The following CTNNA1 variants were observed in gnomAD, a reference collection of about 807,000 sequenced individuals.
The protein encoded by CTNNA1 is catenin alpha 1.
CTNNA1 carries 37 observed loss-of-function variants against 98.4 expected under a neutral mutation model. The observed-to-expected ratio is 0.38, with a 90% CI of 0.29 to 0.49. CTNNA1 has a LOEUF of 0.49. Among genes scored for constraint, CTNNA1 ranks in the 20% least tolerant of loss-of-function variants. The probability of loss-of-function intolerance (pLI) is 0.95; values close to 1 mark genes in which losing one functional copy is unlikely to be tolerated. For missense variants in CTNNA1, 761 were observed against 1,147.2 expected (o/e 0.66, Z 4.86); for synonymous variants, 404 against 413.2 (o/e 0.98, Z 0.27).
At chr5:138,884,406 A>C (rs975622905) in intron 7 of CTNNA1, among the ~76,000 whole-genome samples, 1 of 152,230 alleles carries the variant, frequency 6.6e-6, no homozygotes, top group African/African-American at 2.4e-5. Flanking sequence ...CCAGATTCTT[A>C]GTTAAATTTC....
intron 7 of CTNNA1, chr5:138,870,577 G>C (rs1765246356): frequency 6.6e-6 from 1 of 152,158 alleles, no homozygotes; most frequent in Non-Finnish European, 1.5e-5. Context: ...TAAGGATTAA[G>C]GTGGAGATTC....
At chr5:138,848,747 T>G (rs1162807544) in intron 7 of CTNNA1, among the ~76,000 whole-genome samples, 1 of 152,056 alleles carries the variant, frequency 6.6e-6, no homozygotes, top group African/African-American at 2.4e-5. Flanking sequence ...TTTTTTGAGA[T>G]AGAGTCTCTC....
In CTNNA1 at chr5:138,873,288, T is replaced by A; in HGVS notation, c.1063-12924T>A. On this transcript the variant is annotated intron_variant, in intron 7 of 17. Transcript: ENST00000302763. This position sits in a 1 kb window ranked among gnomAD's most constrained non-coding sequence, Gnocchi z 6.1. ...GAAAACAATAAAGCCATTGTTCCCG[T>A]AATTACCCGCTGAGTGAAGATGGCA... The A allele has an allele frequency of 6.2e-7, 1 of 1,614,054 alleles. No homozygotes were observed. Among genetic ancestry groups the A allele is most frequent in the Non-Finnish European group, 8.5e-7 (1 of 1,179,894 alleles).
chr5:138,761,655 A>C (rs1279628647), intron 1 of CTNNA1, among the ~76,000 whole-genome samples: 1 of 152,180 alleles, frequency 6.6e-6, no homozygotes, highest in Non-Finnish European at 1.5e-5. Context: ...TTCTATATGG[A>C]GATAATAAAT....
intron 7 of CTNNA1, among the ~76,000 whole-genome samples, chr5:138,879,873 T>C (rs1471638098): frequency 6.6e-6 from 1 of 152,246 alleles, no homozygotes; most frequent in Non-Finnish European, 1.5e-5. Flanking sequence ...GGATGCACCT[T>C]ACACATTTTG....
At chr5:138,796,629 G>A (rs991490593) in intron 3 of CTNNA1, among the ~76,000 whole-genome samples, 1 of 152,064 alleles carries the variant, frequency 6.6e-6, no homozygotes, top group Non-Finnish European at 1.5e-5. Flanking sequence ...AGAGAACAAA[G>A]TTACTTGAGC....
intron 1 of CTNNA1, among the ~76,000 whole-genome samples, chr5:138,777,663 C>T (rs1445002267): frequency 6.6e-6 from 1 of 151,954 alleles, no homozygotes; most frequent in Non-Finnish European, 1.5e-5. Flanking sequence ...GGAGACCAGC[C>T]CGGCTAACAC....
Position 138,840,568 on chromosome 5 carries a change from T to TA in CTNNA1, c.1062+12856dup, listed in dbSNP as rs540166973. On this transcript the variant is annotated intron_variant, in intron 7 of 17. Transcript: ENST00000302763. ...TGGCAAAGTTGTCATGTGTTGATAA[T>TA]AAAAAATCGATTTATTAAAAATATT... Among the ~76,000 whole-genome samples, 15 of 152,324 alleles carry TA rather than the reference T, an allele frequency of 9.8e-5. No individual in the cohort carries two copies. The South Asian group carries it at 3.1e-3, about 32-fold the overall frequency.
At chr5:138,925,592 C>A in intron 13 of CTNNA1, 185 bp downstream of exon 13, 1 of 929,936 alleles carries the variant, frequency 1.1e-6, no homozygotes, top group Non-Finnish European at 1.5e-6. Context: ...CAAGTTAGAG[C>A]CCAAACTTGG....
intron 16 of CTNNA1, chr5:138,932,168 T>C (rs919656266): frequency 1.0e-6 from 1 of 1,002,518 alleles, no homozygotes; most frequent in African/African-American, 1.7e-5. Context: ...GCTAAAAACA[T>C]CTGGACTTTT....
intron 7 of CTNNA1, among the ~76,000 whole-genome samples, chr5:138,846,234 G>A (rs1301738311): frequency 6.6e-6 from 1 of 152,164 alleles, no homozygotes; most frequent in African/African-American, 2.4e-5. Context: ...TTACAGGCGC[G>A]AGCCACTGCG....
intron 7 of CTNNA1, among the ~76,000 whole-genome samples, chr5:138,843,828 A>G (rs1404439750): frequency 6.6e-6 from 1 of 152,200 alleles, no homozygotes; most frequent in Admixed American, 6.5e-5. Flanking sequence ...GTTCTTCTGT[A>G]TATGTGTCCT....
intron 7 of CTNNA1, among the ~76,000 whole-genome samples, chr5:138,842,997 A>G (rs963879315): frequency 2.0e-5 from 3 of 152,292 alleles, no homozygotes; most frequent in South Asian, 4.1e-4. Context: ...GAATTACACT[A>G]ATTTGGGGGT....
At chr5:138,808,700 A>AT (rs2149723175) in intron 3 of CTNNA1, among the ~76,000 whole-genome samples, 1 of 151,262 alleles carries the variant, frequency 6.6e-6, no homozygotes, top group South Asian at 2.1e-4. Flanking sequence ...TGCCTTAAAA[A>AT]AAAAAAATTC....
intron 13 of CTNNA1, among the ~76,000 whole-genome samples, chr5:138,928,844 T>C (rs1345173899): frequency 1.3e-5 from 2 of 151,682 alleles, no homozygotes. Context: ...CTGAGGCAGG[T>C]GAATCTCTTG....
At chr5:138,843,637 G>A (rs1318438807) in intron 7 of CTNNA1, among the ~76,000 whole-genome samples, 2 of 152,190 alleles carry the variant, frequency 1.3e-5, no homozygotes, top group East Asian at 3.9e-4. Context: ...GTAGAGCCAG[G>A]GTCATAGGGG....
chr5:138,872,829 A>C (rs1750802980), intron 7 of CTNNA1: 1 of 501,232 alleles, frequency 2.0e-6, no homozygotes, highest in Non-Finnish European at 3.5e-6. Context: ...GATTCATTTA[A>C]CACTTAAAAT....
At chr5:138,844,861 C>A (rs549383878) in intron 7 of CTNNA1, among the ~76,000 whole-genome samples, 56 of 152,130 alleles carry the variant, frequency 3.7e-4, no homozygotes, top group African/African-American at 1.3e-3. Flanking sequence ...GATTTAGAGT[C>A]AAAAATTAAT....
intron 1 of CTNNA1, among the ~76,000 whole-genome samples, chr5:138,773,707 G>T (rs1753790953): frequency 6.6e-6 from 1 of 151,650 alleles, no homozygotes; most frequent in Admixed American, 6.6e-5. Flanking sequence ...TGAGTCTGGT[G>T]AATTAATTTT....
Sources: allele counts gnomAD v4.1 joint callset (sites outside exome capture counted in the v4.1 genomes callset), GRCh38; gene constraint gnomAD v4.1.1; non-coding constraint Gnocchi (gnomAD v3.1); transcripts MANE v1.5; gene names NCBI Gene and HGNC (gene_info 2026-07-23, HGNC 2026-07-21).